Variants in GAPVD1 observed in about 807,000 individuals in gnomAD.
The protein encoded by GAPVD1 is GTPase activating protein and VPS9 domains 1, also known as GTPase-activating protein and VPS9 domain-containing protein 1.
GAPVD1 carries 35 observed loss-of-function variants against 155.5 expected under a neutral mutation model. That is an observed-to-expected ratio of 0.23 (90% CI 0.17 to 0.30). The LOEUF is 0.30. GAPVD1 is among the 10% of genes least tolerant of loss of function. The pLI, the probability that GAPVD1 is intolerant of heterozygous loss-of-function variation, is 1.00. For synonymous variants in GAPVD1, 636 were observed against 619.7 expected (o/e 1.03, Z -0.39); for missense variants, 1,429 against 1,775.7 (o/e 0.80, Z 3.51).
intron 17 of GAPVD1, among the ~76,000 whole-genome samples, chr9:125,338,839 A>C (rs1161511621): frequency 6.6e-6 from 1 of 152,134 alleles, no homozygotes; most frequent in East Asian, 1.9e-4. Flanking sequence ...GGGTACTTTA[A>C]AAATATGTAA....
intron 19 of GAPVD1, among the ~76,000 whole-genome samples, chr9:125,345,255 A>G (rs1241582279): frequency 6.7e-6 from 1 of 150,124 alleles, no homozygotes; most frequent in Non-Finnish European, 1.5e-5. Flanking sequence ...ATCTCAGCTC[A>G]CTGCAATCTC....
In GAPVD1 at chr9:125,302,378, T is replaced by G. The variant is rs1841041246; in HGVS notation, c.581T>G (p.Leu194Arg). 2 of 1,613,952 alleles carry G rather than the reference T, an allele frequency of 1.2e-6. No homozygotes were observed. The highest frequency in any genetic ancestry group is 1.7e-6 in the Non-Finnish European group (2 of 1,179,970). The change falls in exon 5 of 28, where the codon CTT becomes CGT. Residue 194 changes from leucine to arginine, a missense_variant. This residue lies in a region of GAPVD1 where 628 missense variants were observed against 733.4 expected (regional missense o/e 0.86). Transcript: ENST00000297933. ...TCTGAAGGACTGTTTTCTGCCAAACTTTTCCTCACAGCCACTTTACATGAG... is the reference window on the plus strand; with the variant it reads ...TCTGAAGGACTGTTTTCTGCCAAACGTTTCCTCACAGCCACTTTACATGAG... ...LFSEGLFSAK[L>R]FLTATLHEPI...
intron 20 of GAPVD1, among the ~76,000 whole-genome samples, chr9:125,347,632 A>G (rs1848676088): frequency 6.6e-6 from 1 of 151,976 alleles, no homozygotes; most frequent in Non-Finnish European, 1.5e-5. Flanking sequence ...AGGCATAAGA[A>G]TTGCTTGATC....
chr9:125,355,545 T>C, intron 24 of GAPVD1, 99 bp from the exon 25 acceptor site: 1 of 740,332 alleles, frequency 1.4e-6, no homozygotes, highest in Non-Finnish European at 2.2e-6. Context: ...TCATGGTGTC[T>C]GCATAGCTAG....
Position 125,283,016 on chromosome 9 carries a change from G to GTTTATT in GAPVD1, c.-149-12428_-149-12423dup, listed in dbSNP as rs1283695141. Among the ~76,000 whole-genome samples, 181 of 148,302 alleles carry GTTTATT rather than the reference G, an allele frequency of 1.2e-3. 1 individual carries two copies. Among genetic ancestry groups the GTTTATT allele is most frequent in the Non-Finnish European group, 1.5e-3 (104 of 67,380 alleles). On this transcript the variant is annotated intron_variant, in intron 2 of 27. Transcript: ENST00000297933. ...ACCTGAATTCTAGCTGTTACTTAAA[G>GTTTATT]TTTATTTTTATTTTTATTTATTTAT...
intron 17 of GAPVD1, among the ~76,000 whole-genome samples, chr9:125,338,532 T>C (rs1446849847): frequency 6.6e-6 from 1 of 152,258 alleles, no homozygotes; most frequent in East Asian, 1.9e-4. Flanking sequence ...TCCTCAGTTT[T>C]TTCTTGACTC....
At chr9:125,291,668 G>A (rs1316846518) in intron 2 of GAPVD1, among the ~76,000 whole-genome samples, 2 of 152,110 alleles carry the variant, frequency 1.3e-5, no homozygotes, top group Non-Finnish European at 2.9e-5. Flanking sequence ...TTCAAAGCTG[G>A]GGTTTTTAAT....
intron 2 of GAPVD1, among the ~76,000 whole-genome samples, chr9:125,286,194 A>C (rs1837666574): frequency 6.6e-6 from 1 of 152,134 alleles, no homozygotes. Context: ...GCTCACTGCA[A>C]CGTCTGCCTC....
At chr9:125,329,427 C>G (rs1845756277) in intron 12 of GAPVD1, among the ~76,000 whole-genome samples, 1 of 152,114 alleles carries the variant, frequency 6.6e-6, no homozygotes, top group Non-Finnish European at 1.5e-5. Flanking sequence ...GTAAAATTTG[C>G]TGAGAAATCA....
intron 22 of GAPVD1, 71 bp downstream of exon 22, chr9:125,350,475 A>G (rs1300964548): frequency 2.1e-6 from 2 of 947,316 alleles, no homozygotes; most frequent in African/African-American, 1.6e-5. Flanking sequence ...GCCAGTATTC[A>G]GCTGTTGAAG....
In GAPVD1 at chr9:125,298,892, A is replaced by G. The variant is rs1588747534; in HGVS notation, c.-30A>G. On this transcript the variant is annotated splice_region_variant and 5_prime_UTR_variant, in exon 4 of 28. Transcript: ENST00000297933. ...AATCTTTATCTTTTTACTCTTAGTG[A>G]TCAGCCTTTGAGCCTTTCCCACATT... The G allele has an allele frequency of 7.1e-7, 1 of 1,411,238 alleles. No homozygotes were observed. The highest frequency in any genetic ancestry group is 9.8e-7 in the Non-Finnish European group (1 of 1,024,424). 87.4% of individuals were successfully genotyped at this position (1,411,238 alleles called of 1,614,324 possible).
Position 125,366,888 on chromosome 9 carries a change from C to G in GAPVD1, c.*4142C>G, listed in dbSNP as rs1010476678. 6.6e-6 allele frequency: 1 copy of G among 152,188 alleles called. No homozygotes were observed. Among genetic ancestry groups the G allele is most frequent in the Non-Finnish European group, 1.5e-5 (1 of 68,038 alleles). The allele number at this position is 152,188 out of a possible 1,614,324, so 9.4% of individuals were successfully genotyped here. ...AGCTGCCGCATCCCACAGGCCTGAGCTCAGCAAGGGTTCAATTCAAGAGAG... is the reference window on the plus strand; with the variant it reads ...AGCTGCCGCATCCCACAGGCCTGAGGTCAGCAAGGGTTCAATTCAAGAGAG... On this transcript the variant is annotated 3_prime_UTR_variant, in exon 28 of 28. Coordinates refer to ENST00000297933, the MANE Select transcript of GAPVD1 (RefSeq NM_001282680.3).
intron 2 of GAPVD1, among the ~76,000 whole-genome samples, chr9:125,282,231 A>AT (rs1216072243): frequency 1.3e-5 from 2 of 152,194 alleles, no homozygotes; most frequent in African/African-American, 4.8e-5. Flanking sequence ...GTGAGCTGAG[A>AT]TCACGCCACT....
In GAPVD1 at chr9:125,323,596, C is replaced by T. The variant is rs552509846; in HGVS notation, c.1733-202C>T. On this transcript the variant is annotated intron_variant, in intron 10 of 27. Transcript: ENST00000297933. ...CTGGGATTACAGGCATGAGGCATTGCACCCAGCAGATTAATTTGTTATTAG... is the reference window on the plus strand; with the variant it reads ...CTGGGATTACAGGCATGAGGCATTGTACCCAGCAGATTAATTTGTTATTAG... 7.2e-5 allele frequency among the ~76,000 whole-genome samples: 11 copies of T among 152,284 alleles called. No homozygotes were observed. In the South Asian group the frequency reaches 1.5e-3, roughly 20 times the overall value.
At chr9:125,355,157 G>A (rs891405425) in intron 24 of GAPVD1, among the ~76,000 whole-genome samples, 4 of 152,106 alleles carry the variant, frequency 2.6e-5, no homozygotes, top group Middle Eastern at 3.4e-3. Flanking sequence ...TTGCTCTGTC[G>A]CCAGGCTGGA....
At chr9:125,313,625 T>C (rs1430075145) in intron 9 of GAPVD1, among the ~76,000 whole-genome samples, 1 of 151,976 alleles carries the variant, frequency 6.6e-6, no homozygotes, top group East Asian at 1.9e-4. Flanking sequence ...TTTTTTGACA[T>C]GGAGTGTCAC....
At chr9:125,292,371 C>G (rs934920043) in intron 2 of GAPVD1, among the ~76,000 whole-genome samples, 4 of 151,814 alleles carry the variant, frequency 2.6e-5, no homozygotes, top group Non-Finnish European at 5.9e-5. Context: ...AAAGGGCAGA[C>G]TAAACTAAGA....
chr9:125,323,861 T>G lies in GAPVD1; in HGVS notation c.1796T>G (p.Leu599Arg), dbSNP rs747488572. 1.2e-6 allele frequency: 2 copies of G among 1,613,290 alleles called. No individual in the cohort carries two copies. The highest frequency in any genetic ancestry group is 1.7e-6 in the Non-Finnish European group (2 of 1,179,392). The change falls in exon 11 of 28, where the codon CTT (leucine) becomes CGT (arginine). Residue 599 changes from leucine (L) to arginine (R), a missense_variant. Transcript: ENST00000297933. ...LDLEGESVSELGAGPSGSNGV... is the reference protein window; with the variant it reads ...LDLEGESVSERGAGPSGSNGV... Reference sequence around the variant, plus strand: ...CTAGAAGGAGAGTCTGTGTCAGAACTTGGAGCAGGACCTTCTGGCAGTAAT... The same window carrying G: ...CTAGAAGGAGAGTCTGTGTCAGAACGTGGAGCAGGACCTTCTGGCAGTAAT...
At chr9:125,339,268 C>A (rs892933277) in intron 17 of GAPVD1, among the ~76,000 whole-genome samples, 2 of 152,114 alleles carry the variant, frequency 1.3e-5, no homozygotes, top group Admixed American at 6.5e-5. Flanking sequence ...GGATTACAGG[C>A]GTGAGCCACC....
Sources: gnomAD v4.1 joint callset for allele counts (sites outside exome capture counted in the v4.1 genomes callset) on GRCh38, gnomAD v4.1.1 for gene constraint, gnomAD v4.1.1 regional missense constraint, MANE v1.5 for transcripts, NCBI Gene and HGNC (gene_info 2026-07-23, HGNC 2026-07-21) for gene names.